Variants in ATF6 observed in about 807,000 individuals in gnomAD.
ATF6 encodes the protein activating transcription factor 6.
In ATF6, 53 loss-of-function variants were observed where a neutral mutation model predicts 83.6. That is an observed-to-expected ratio of 0.63 (90% CI 0.51 to 0.80). ATF6 has a LOEUF of 0.80. Ranked by LOEUF, ATF6 falls within the 30% of genes least tolerant of loss-of-function variation. ATF6 has a pLI of 0.00. For synonymous variants in ATF6, 288 were observed against 285.8 expected, an observed-to-expected ratio of 1.01 and a Z score of -0.08; for missense variants, 744 against 797.9, an observed-to-expected ratio of 0.93 and a Z score of 0.81.
At chr1:161,781,457 A>T (rs1392187764) in intron 2 of ATF6, among the ~76,000 whole-genome samples, 1 of 152,214 alleles carries the variant, frequency 6.6e-6, no homozygotes, top group African/African-American at 2.4e-5. Context: ...CTCAGTGGTA[A>T]CTATCCTCTT....
At chr1:161,897,158 G>T (rs753732414) in intron 14 of ATF6, among the ~76,000 whole-genome samples, 3 of 152,022 alleles carry the variant, frequency 2.0e-5, no homozygotes, top group Admixed American at 6.6e-5. Flanking sequence ...AAAGAGCTGG[G>T]CTCGGTGGCA....
At chr1:161,772,483 A>G (rs560510397) in intron 1 of ATF6, among the ~76,000 whole-genome samples, 1 of 152,312 alleles carries the variant, frequency 6.6e-6, no homozygotes, top group Admixed American at 6.5e-5. Flanking sequence ...GAGAACTTCT[A>G]CAGTCTCCCA....
intron 14 of ATF6, among the ~76,000 whole-genome samples, chr1:161,880,802 G>A (rs555786671): frequency 6.6e-6 from 1 of 152,138 alleles, no homozygotes; most frequent in East Asian, 1.9e-4. Context: ...CATATGTTTA[G>A]CTTTTTAAGA....
At chr1:161,860,426 A>AT in intron 13 of ATF6, 149 bp downstream of exon 13, 1 of 159,360 alleles carries the variant, frequency 6.3e-6, no homozygotes, top group Non-Finnish European at 1.2e-5. Flanking sequence ...ATATATATGT[A>AT]TATATATATA....
chr1:161,952,781 A>G (rs1043305091), intron 15 of ATF6, among the ~76,000 whole-genome samples: 1 of 152,196 alleles, frequency 6.6e-6, no homozygotes, highest in African/African-American at 2.4e-5. Context: ...AGACTGATCC[A>G]AGTGTTCCTG....
chr1:161,910,599 G>T (rs1687971844), intron 14 of ATF6, among the ~76,000 whole-genome samples: 1 of 152,178 alleles, frequency 6.6e-6, no homozygotes, highest in South Asian at 2.1e-4. Context: ...CCCATGACCA[G>T]TGGAATCTAA....
At position 161,814,120 on chromosome 1, in the gene ATF6, G is replaced by T. The variant is rs191697809; in HGVS notation, c.910-5513G>T. Among the ~76,000 whole-genome samples, 909 of 152,236 alleles carry T rather than the reference G, an allele frequency of 6.0e-3. 3 individuals carry two copies. Among genetic ancestry groups the T allele is most frequent in the Non-Finnish European group, 1.0e-2 (678 of 67,986 alleles). On this transcript the variant is annotated intron_variant, in intron 7 of 15. Coordinates refer to ENST00000367942, the MANE Select transcript of ATF6 (RefSeq NM_007348.4). ...GCTGGTCTCGAACTCCTGACCTCAG[G>T]TGATCCGCCCGCCTTGGCCTCCCAA...
chr1:161,952,206 A>G (rs1300500356), intron 15 of ATF6, among the ~76,000 whole-genome samples: 1 of 152,090 alleles, frequency 6.6e-6, no homozygotes, highest in East Asian at 1.9e-4. Context: ...CCAAGCCTAC[A>G]GGTTCTAGCC....
In ATF6 at chr1:161,802,404, G is replaced by A. The variant is rs751426721; in HGVS notation, c.909+132G>A. On this transcript the variant is annotated intron_variant, in intron 7 of 15. Coordinates refer to ENST00000367942, the MANE Select transcript of ATF6 (RefSeq NM_007348.4). ...ATTGCATCAAATAAAAGAGTGTGCT[G>A]AATTGCACATCTAGTCTTTGGAGGA... 69 of 747,114 alleles carry A rather than the reference G, an allele frequency of 9.2e-5. No individual in the cohort carries two copies. The East Asian group carries it at 1.4e-3, about 15-fold the overall frequency. 46.3% of individuals were successfully genotyped at this position (747,114 alleles called of 1,614,324 possible). A position where few individuals can be genotyped will look rare whatever the true frequency, so the allele number is the denominator to read the frequency against.
At chr1:161,877,164 A>G (rs539235949) in intron 14 of ATF6, among the ~76,000 whole-genome samples, 1 of 152,072 alleles carries the variant, frequency 6.6e-6, no homozygotes, top group African/African-American at 2.4e-5. Flanking sequence ...TTTTTCATGC[A>G]CTCAGAAAAT....
At chr1:161,941,583 G>A (rs10159039) in intron 15 of ATF6, among the ~76,000 whole-genome samples, 95,778 of 151,998 alleles carry the variant, frequency 0.63, 31,966 homozygotes, top group Non-Finnish European at 0.75. Context: ...GCCGGGCTCC[G>A]CTCCCTTAGA....
At chr1:161,848,467 A>G (rs1396825968) in intron 10 of ATF6, among the ~76,000 whole-genome samples, 1 of 152,094 alleles carries the variant, frequency 6.6e-6, no homozygotes, top group Admixed American at 6.6e-5. Flanking sequence ...CTAATCCCAT[A>G]GTTTATAATA....
chr1:161,846,436 T>C lies in ATF6; in HGVS notation c.1188-13T>C. 1 of 1,595,474 alleles carries C rather than the reference T, an allele frequency of 6.3e-7. No individual in the cohort carries two copies. Among genetic ancestry groups the C allele is most frequent in the Non-Finnish European group, 8.5e-7 (1 of 1,171,854 alleles). ...TTTTATTTCAGCTATTATTTCCTGT[T>C]TTTTATTTTCAGCATGTTGGAACAG... On this transcript the variant is annotated splice_polypyrimidine_tract_variant and intron_variant, in intron 9 of 15. Coordinates refer to ENST00000367942, the MANE Select transcript of ATF6 (RefSeq NM_007348.4).
At chr1:161,892,741 A>G (rs1322354344) in intron 14 of ATF6, among the ~76,000 whole-genome samples, 1 of 149,900 alleles carries the variant, frequency 6.7e-6, no homozygotes, top group African/African-American at 2.5e-5. Flanking sequence ...GGTTCAAGAG[A>G]TTCTCCTGCC....
intron 14 of ATF6, among the ~76,000 whole-genome samples, chr1:161,871,110 GTGT>G (rs1336952046): frequency 1.3e-5 from 2 of 151,616 alleles, no homozygotes; most frequent in African/African-American, 4.8e-5. Context: ...CTGTTTATTT[GTGT>G]TGTTTACCCT....
intron 12 of ATF6, among the ~76,000 whole-genome samples, chr1:161,857,871 A>T (rs1315506081): frequency 6.6e-6 from 1 of 152,214 alleles, no homozygotes; most frequent in Non-Finnish European, 1.5e-5. Flanking sequence ...TTGTTCGAAT[A>T]ATATTTCAAG....
intron 12 of ATF6, among the ~76,000 whole-genome samples, chr1:161,855,110 T>C (rs1686729194): frequency 1.3e-5 from 2 of 151,866 alleles, no homozygotes; most frequent in Admixed American, 1.3e-4. Flanking sequence ...CATTGAAAGG[T>C]TTGAGTAGGG....
chr1:161,767,824 A>G (rs896524622), intron 1 of ATF6, among the ~76,000 whole-genome samples: 2 of 152,160 alleles, frequency 1.3e-5, no homozygotes, highest in Non-Finnish European at 2.9e-5. Flanking sequence ...TTTGTCAGCT[A>G]GTCAGCTATT....
At position 161,846,405 on chromosome 1, in the gene ATF6, A is replaced by C. The variant is rs752743258; in HGVS notation, c.1188-44A>C. The C allele has an allele frequency of 3.8e-6, 6 of 1,577,544 alleles. No homozygotes were observed. The Admixed American group carries it at 1.1e-4, about 28-fold the overall frequency. On this transcript the variant is annotated intron_variant, in intron 9 of 15. Transcript: ENST00000367942. Reference sequence around the variant, plus strand: ...GCTGCATGTAGCAGGCATATGTGTGACATATTTTTATTTCAGCTATTATTT... The same window carrying C: ...GCTGCATGTAGCAGGCATATGTGTGCCATATTTTTATTTCAGCTATTATTT...
Sources: gnomAD v4.1 joint callset for allele counts (sites outside exome capture counted in the v4.1 genomes callset) on GRCh38, gnomAD v4.1.1 for gene constraint, MANE v1.5 for transcripts, NCBI Gene and HGNC (gene_info 2026-07-23, HGNC 2026-07-21) for gene names.